Variants in USP7 observed in about 807,000 individuals in gnomAD.
The protein encoded by USP7 is ubiquitin C-terminal hydrolase 7.
USP7 carries 9 observed loss-of-function variants against 162.9 expected under a neutral mutation model. The ratio of observed to expected loss-of-function variants is 0.06; its 90% CI spans 0.03 to 0.10. USP7 has a LOEUF of 0.10. USP7 is among the 10% of genes least tolerant of loss of function. The pLI is 1.00. For synonymous variants in USP7, 562 were observed against 475.9 expected, an observed-to-expected ratio of 1.18 and a Z score of -2.35; for missense variants, 715 against 1,373.7, an observed-to-expected ratio of 0.52 and a Z score of 7.58.
chr16:8,893,973 C>T lies in USP7; in HGVS notation c.*25G>A, dbSNP rs112183132. 3.7e-6 allele frequency: 6 copies of T among 1,609,592 alleles called. No individual in the cohort carries two copies. Among genetic ancestry groups the T allele is most frequent in the East Asian group, 2.2e-5 (1 of 44,848 alleles). Reference sequence around the variant, plus strand: ...TAAGGGGCCACCCACACACCGTCCTCGCCTTGAACACACCAGCTTGGAAAT... The same window carrying T: ...TAAGGGGCCACCCACACACCGTCCTTGCCTTGAACACACCAGCTTGGAAAT... On this transcript the variant is annotated 3_prime_UTR_variant, in exon 31 of 31. Transcript: ENST00000344836.
chr16:8,902,807 G>C (rs2061796667), intron 16 of USP7, among the ~76,000 whole-genome samples: 2 of 152,038 alleles, frequency 1.3e-5, no homozygotes, highest in Non-Finnish European at 2.9e-5. Context: ...AGAATTGCTT[G>C]AAACCAAAAG....
At chr16:8,897,187 T>C in intron 25 of USP7, 88 bp from the exon 26 acceptor site, 1 of 994,668 alleles carries the variant, frequency 1.0e-6, no homozygotes. Context: ...GTTGCATCAT[T>C]GTTCTCAACT....
chr16:8,936,470 A>T (rs1449782977), intron 1 of USP7: 3 of 1,092,052 alleles, frequency 2.7e-6, no homozygotes, highest in Non-Finnish European at 3.6e-6. Context: ...TACTGATACA[A>T]TGTCTAGATG....
chr16:8,923,102 A>C (rs1477506869), intron 3 of USP7, 113 bp downstream of exon 3: 1 of 520,472 alleles, frequency 1.9e-6, no homozygotes, highest in African/African-American at 2.2e-5. Flanking sequence ...AAAGAGAAAC[A>C]CGTATTTAAT....
rs776242814 is a variant in USP7 at position 8,893,955 on chromosome 16, C to T, written c.*43G>A. ...ACCAAAGTTCTAGGCTGTTAAGGGG[C>T]CACCCACACACCGTCCTCGCCTTGA... On this transcript the variant is annotated 3_prime_UTR_variant, in exon 31 of 31. Coordinates refer to ENST00000344836, the MANE Select transcript of USP7 (RefSeq NM_003470.3). 3.9e-5 allele frequency: 62 copies of T among 1,581,038 alleles called. No individual in the cohort carries two copies. The highest frequency in any genetic ancestry group is 1.8e-4 in the East Asian group (8 of 44,746).
At chr16:8,934,584 C>G (rs1417817488) in intron 1 of USP7, among the ~76,000 whole-genome samples, 2 of 152,260 alleles carry the variant, frequency 1.3e-5, no homozygotes, top group Non-Finnish European at 2.9e-5. Context: ...GTTAGGGCTT[C>G]TCTGCAGTTG....
intron 2 of USP7, among the ~76,000 whole-genome samples, chr16:8,924,061 T>C (rs1283171204): frequency 1.3e-5 from 2 of 152,202 alleles, no homozygotes; most frequent in African/African-American, 4.8e-5. Context: ...AATTGTTAAA[T>C]GATAACAAGA....
At chr16:8,914,726 T>C (rs894700820) in intron 10 of USP7, among the ~76,000 whole-genome samples, 1 of 151,732 alleles carries the variant, frequency 6.6e-6, no homozygotes, top group Non-Finnish European at 1.5e-5. Flanking sequence ...AAGACCAGCC[T>C]GAGCAACAAA....
intron 8 of USP7, among the ~76,000 whole-genome samples, chr16:8,916,044 G>A (rs970037932): frequency 9.9e-5 from 15 of 152,204 alleles, no homozygotes; most frequent in African/African-American, 3.4e-4. Flanking sequence ...CTGGAAGAAT[G>A]AGGATTTGCT....
intron 2 of USP7, among the ~76,000 whole-genome samples, chr16:8,927,923 C>A (rs1023800930): frequency 6.6e-6 from 1 of 152,196 alleles, no homozygotes; most frequent in Non-Finnish European, 1.5e-5. Flanking sequence ...GGCAGAAGAA[C>A]TGCTTGAGCC....
At chr16:8,894,231 C>G (rs2061646914) in intron 30 of USP7, 127 bp from the exon 31 acceptor site, 5 of 860,944 alleles carry the variant, frequency 5.8e-6, no homozygotes, top group South Asian at 3.0e-5. Context: ...AAGCCAGGAC[C>G]TGAGCTACAC....
intron 16 of USP7, 110 bp from the exon 17 acceptor site, chr16:8,902,592 T>C: frequency 1.1e-6 from 1 of 939,744 alleles, no homozygotes; most frequent in Non-Finnish European, 1.5e-6. Context: ...TAGTCAATGT[T>C]AAGACTGTGA....
At chr16:8,900,200 T>A (rs766988453) in intron 21 of USP7, 4 of 323,144 alleles carry the variant, frequency 1.2e-5, no homozygotes, top group African/African-American at 2.2e-5. Flanking sequence ...GAAGACAGAC[T>A]GAAATGAATT....
At chr16:8,916,354 C>T (rs1487684967) in intron 8 of USP7, 148 bp downstream of exon 8, 5 of 750,514 alleles carry the variant, frequency 6.7e-6, no homozygotes, top group African/African-American at 3.6e-5. Context: ...TATAACTAGA[C>T]ATCTGCTGCC....
intron 2 of USP7, among the ~76,000 whole-genome samples, chr16:8,925,655 C>T (rs932108860): frequency 6.6e-6 from 1 of 152,228 alleles, no homozygotes; most frequent in Non-Finnish European, 1.5e-5. Context: ...GCATCCGTCT[C>T]TGTGCCCCCG....
At chr16:8,901,892 G>C (rs1048681300) in intron 18 of USP7, 190 bp downstream of exon 18, 8 of 596,344 alleles carry the variant, frequency 1.3e-5, no homozygotes, top group Middle Eastern at 8.9e-4. Context: ...TACTGTCTCC[G>C]GGCCTCACAG....
At chr16:8,953,275 G>C (rs561705495) in intron 1 of USP7, among the ~76,000 whole-genome samples, 1 of 152,148 alleles carries the variant, frequency 6.6e-6, no homozygotes, top group East Asian at 1.9e-4. Flanking sequence ...CGTGTTCAGG[G>C]CTCCTTCACT....
At chr16:8,940,454 G>A (rs1372322605) in intron 1 of USP7, among the ~76,000 whole-genome samples, 3 of 152,184 alleles carry the variant, frequency 2.0e-5, no homozygotes, top group Non-Finnish European at 4.4e-5. Context: ...TGTCCAAGAA[G>A]CTGGGCGCCA....
At chr16:8,910,270 T>A (rs991480902) in intron 11 of USP7, among the ~76,000 whole-genome samples, 3 of 152,162 alleles carry the variant, frequency 2.0e-5, no homozygotes, top group Non-Finnish European at 4.4e-5. Flanking sequence ...CCATGCTCAC[T>A]GCTCTCTCAG....
Sources: gnomAD v4.1 joint callset for allele counts (sites outside exome capture counted in the v4.1 genomes callset) on GRCh38, gnomAD v4.1.1 for gene constraint, MANE v1.5 for transcripts, NCBI Gene and HGNC (gene_info 2026-07-23, HGNC 2026-07-21) for gene names.